Variants in TMEM132C observed in about 807,000 individuals in gnomAD.
TMEM132C encodes the protein protein phosphatase 1, regulatory subunit 152.
TMEM132C carries 29 observed loss-of-function variants against 61.4 expected under a neutral mutation model. The observed-to-expected ratio is 0.47, with a 90% CI of 0.35 to 0.64. The LOEUF (loss-of-function observed/expected upper bound fraction) is 0.64. Ranked by LOEUF, TMEM132C falls within the 30% of genes least tolerant of loss-of-function variation. The pLI is 0.00. For missense variants in TMEM132C, 1,408 were observed against 1,476.9 expected (o/e 0.95, Z 0.76); for synonymous variants, 656 against 633.1 (o/e 1.04, Z -0.54).
intron 2 of TMEM132C, among the ~76,000 whole-genome samples, chr12:128,419,855 T>C (rs1868926034): frequency 6.6e-6 from 1 of 152,160 alleles, no homozygotes. Flanking sequence ...AGGCAAAATT[T>C]CCTGCCTGCA....
intron 1 of TMEM132C, among the ~76,000 whole-genome samples, chr12:128,378,352 A>G (rs977062286): frequency 3.9e-5 from 6 of 152,132 alleles, no homozygotes; most frequent in Non-Finnish European, 7.4e-5. Flanking sequence ...TCCTGACTTC[A>G]TGATCCGCCC....
chr12:128,489,883 T>C (rs1351968877), intron 2 of TMEM132C, among the ~76,000 whole-genome samples: 3 of 152,220 alleles, frequency 2.0e-5, no homozygotes, highest in East Asian at 3.9e-4. Flanking sequence ...TCCTGAAATA[T>C]ACTTTTCAAG....
intron 1 of TMEM132C, among the ~76,000 whole-genome samples, chr12:128,307,471 G>T (rs558342860): frequency 1.1e-4 from 16 of 151,534 alleles, no homozygotes; most frequent in Non-Finnish European, 2.1e-4. Context: ...TTAAGGACCC[G>T]TATTTTAATA....
chr12:128,423,203 C>T (rs1381561425), intron 2 of TMEM132C, among the ~76,000 whole-genome samples: 3 of 152,178 alleles, frequency 2.0e-5, no homozygotes, highest in African/African-American at 7.2e-5. Context: ...TGTAGGGGTG[C>T]ACTCAGAAAA....
chr12:128,346,120 A>G (rs148095792), intron 1 of TMEM132C, among the ~76,000 whole-genome samples: 169 of 152,272 alleles, frequency 1.1e-3, no homozygotes, highest in African/African-American at 3.8e-3. Flanking sequence ...ACCCCTGCAT[A>G]TGGCTAGCCA....
At chr12:128,367,887 T>C (rs1006140806) in intron 1 of TMEM132C, among the ~76,000 whole-genome samples, 14 of 152,352 alleles carry the variant, frequency 9.2e-5, no homozygotes, top group Middle Eastern at 3.4e-3. Flanking sequence ...CTAGGAAATA[T>C]ACTATTATAT....
chr12:128,514,135 C>T (rs1026445051), intron 2 of TMEM132C, among the ~76,000 whole-genome samples: 4 of 152,206 alleles, frequency 2.6e-5, no homozygotes, highest in Non-Finnish European at 5.9e-5. Flanking sequence ...GCTGTACTTA[C>T]AATGCTAAAG....
Position 128,493,171 on chromosome 12 carries a change from A to G in TMEM132C, c.975-50786A>G, listed in dbSNP as rs537349115. On this transcript the variant is annotated intron_variant, in intron 2 of 8. Coordinates refer to ENST00000435159, the MANE Select transcript of TMEM132C (RefSeq NM_001136103.3). ...GATCAGATGGTTTTAGATGTGTAGTATTATTTCTGAGGGCTCTGTTCTGTT... is the reference window on the plus strand; with the variant it reads ...GATCAGATGGTTTTAGATGTGTAGTGTTATTTCTGAGGGCTCTGTTCTGTT... 5.3e-4 allele frequency among the ~76,000 whole-genome samples: 81 copies of G among 152,072 alleles called. 1 individual carries two copies. The highest frequency in any genetic ancestry group is 1.8e-3 in the African/African-American group (74 of 41,462).
intron 6 of TMEM132C, among the ~76,000 whole-genome samples, chr12:128,694,917 C>T (rs1241619944): frequency 1.3e-5 from 2 of 152,212 alleles, no homozygotes; most frequent in African/African-American, 2.4e-5. Context: ...CACTAATTAG[C>T]TTTGTGAGCA....
At chr12:128,650,971 G>A (rs1047505108) in intron 4 of TMEM132C, among the ~76,000 whole-genome samples, 8 of 152,182 alleles carry the variant, frequency 5.3e-5, no homozygotes, top group South Asian at 2.1e-4. Context: ...GAGGGTCCAC[G>A]TAGACCACAG....
At chr12:128,402,729 A>G (rs1230859823) in intron 1 of TMEM132C, among the ~76,000 whole-genome samples, 3 of 152,210 alleles carry the variant, frequency 2.0e-5, no homozygotes, top group African/African-American at 7.2e-5. Context: ...CCATTGGCTG[A>G]GCTTAACTTG....
intron 3 of TMEM132C, among the ~76,000 whole-genome samples, chr12:128,579,186 G>T (rs1413308060): frequency 6.6e-6 from 1 of 152,150 alleles, no homozygotes; most frequent in Non-Finnish European, 1.5e-5. Flanking sequence ...CCCATGCACG[G>T]GCCTCAGTGC....
chr12:128,706,253 G>A lies in TMEM132C; in HGVS notation c.3285G>A (p.Lys1095=), dbSNP rs955794564. ...VCQDVAVGAP[K]ELRNYLEKLK... is the part of the protein sequence containing the mutation. ...AAGACGTGGCTGTGGGTGCCCCCAA[G>A]GAACTTAGAAACTATCTGGAGAAAC... The change falls in exon 9 of 9, where the codon AAG becomes AAA. Residue 1095 remains lysine, a synonymous_variant. Coordinates refer to ENST00000435159, the MANE Select transcript of TMEM132C (RefSeq NM_001136103.3). The A allele has an allele frequency of 5.8e-6, 9 of 1,550,498 alleles. No individual in the cohort carries two copies. The African/African-American group carries it at 1.2e-4, about 21-fold the overall frequency.
intron 1 of TMEM132C, among the ~76,000 whole-genome samples, chr12:128,329,064 G>A (rs1028628896): frequency 6.6e-6 from 1 of 152,162 alleles, no homozygotes; most frequent in Admixed American, 6.5e-5. Flanking sequence ...GGACTTATCA[G>A]GGGAAGGAGC....
At chr12:128,527,703 A>ATGTGTGTGTG (rs1186342541) in intron 2 of TMEM132C, among the ~76,000 whole-genome samples, 2 of 64,184 alleles carry the variant, frequency 3.1e-5, no homozygotes, top group African/African-American at 1.3e-4. Flanking sequence ...GTGAATGTGC[A>ATGTGTGTGTG]TGTATGTGTG....
intron 2 of TMEM132C, among the ~76,000 whole-genome samples, chr12:128,445,560 G>T (rs1869949419): frequency 6.6e-6 from 1 of 152,174 alleles, no homozygotes; most frequent in South Asian, 2.1e-4. Flanking sequence ...GAAGCTGCCT[G>T]TCCACGGTGG....
intron 1 of TMEM132C, among the ~76,000 whole-genome samples, chr12:128,276,498 A>T (rs999087173): frequency 2.6e-5 from 4 of 152,176 alleles, no homozygotes; most frequent in Non-Finnish European, 5.9e-5. Flanking sequence ...GCTTAGGCAT[A>T]ATTCCATCTG....
chr12:128,435,472 G>T (rs921805070), intron 2 of TMEM132C, among the ~76,000 whole-genome samples: 1 of 152,176 alleles, frequency 6.6e-6, no homozygotes, highest in Non-Finnish European at 1.5e-5. Flanking sequence ...CAAAATCAAT[G>T]TGCAGAAATC....
Position 128,549,891 on chromosome 12 carries a change from A to T in TMEM132C, c.1121+5788A>T, listed in dbSNP as rs1281380283. ...GAGACATGATGCATTTTTCAAACCC[A>T]CTCAGTAAGAGCTGGAGGTGGAATT... On this transcript the variant is annotated intron_variant, in intron 3 of 8. Coordinates refer to ENST00000435159, the MANE Select transcript of TMEM132C (RefSeq NM_001136103.3). 2.6e-5 allele frequency among the ~76,000 whole-genome samples: 4 copies of T among 151,866 alleles called. No individual in the cohort carries two copies. In the South Asian group the frequency reaches 6.3e-4, roughly 24 times the overall value.
Sources: gnomAD v4.1 joint callset for allele counts (sites outside exome capture counted in the v4.1 genomes callset) on GRCh38, gnomAD v4.1.1 for gene constraint, MANE v1.5 for transcripts, NCBI Gene and HGNC (gene_info 2026-07-23, HGNC 2026-07-21) for gene names.